PLCB1: variants seen among roughly 807,000 people sequenced by gnomAD.
The protein encoded by PLCB1 is 1-phosphatidylinositol 4,5-bisphosphate phosphodiesterase beta-1.
In PLCB1, 46 loss-of-function variants were observed where a neutral mutation model predicts 161.8. The observed-to-expected ratio is 0.28, with a 90% CI of 0.22 to 0.36. The LOEUF (loss-of-function observed/expected upper bound fraction) is 0.36. PLCB1 is among the 10% of genes least tolerant of loss of function. PLCB1 has a pLI of 1.00. For synonymous variants in PLCB1, 517 were observed against 503.7 expected, an observed-to-expected ratio of 1.03 and a Z score of -0.35; for missense variants, 1,016 against 1,472.5, an observed-to-expected ratio of 0.69 and a Z score of 5.07.
intron 2 of PLCB1, among the ~76,000 whole-genome samples, chr20:8,311,207 T>TA (rs1343566371): frequency 6.6e-6 from 1 of 152,210 alleles, no homozygotes; most frequent in Non-Finnish European, 1.5e-5. Context: ...TACCTGAATG[T>TA]AAAAAACAAT....
At chr20:8,337,043 T>C (rs1184414984) in intron 2 of PLCB1, among the ~76,000 whole-genome samples, 1 of 152,176 alleles carries the variant, frequency 6.6e-6, no homozygotes, top group Non-Finnish European at 1.5e-5. Flanking sequence ...AATATGAAGA[T>C]TATATTTAAA....
chr20:8,666,048 T>C (rs1345440780), intron 9 of PLCB1, among the ~76,000 whole-genome samples: 4 of 152,112 alleles, frequency 2.6e-5, no homozygotes, highest in African/African-American at 9.7e-5. Flanking sequence ...CAGGCTACAA[T>C]TCCCAGGGAC....
intron 3 of PLCB1, among the ~76,000 whole-genome samples, chr20:8,538,511 A>T (rs898901584): frequency 2.6e-5 from 4 of 152,038 alleles, no homozygotes; most frequent in African/African-American, 9.7e-5. Flanking sequence ...ACACCTGGCT[A>T]ATTTTTAAAA....
At chr20:8,855,954 G>T (rs1987052226) in intron 31 of PLCB1, among the ~76,000 whole-genome samples, 1 of 151,956 alleles carries the variant, frequency 6.6e-6, no homozygotes, top group African/African-American at 2.4e-5. Flanking sequence ...TTTGAAAATT[G>T]GATGAACAAC....
In PLCB1 at chr20:8,148,392, T is replaced by C. The variant is rs150533403; in HGVS notation, c.100-1902T>C. 3.9e-5 allele frequency among the ~76,000 whole-genome samples: 6 copies of C among 152,354 alleles called. No individual in the cohort carries two copies. The East Asian group carries it at 7.7e-4, about 20-fold the overall frequency. Reference sequence around the variant, plus strand: ...ACATTTAGAAGTAATTGGGAAATTTTAAAATTCTAGCTGAAGTTCCTTGCA... The same window carrying C: ...ACATTTAGAAGTAATTGGGAAATTTCAAAATTCTAGCTGAAGTTCCTTGCA... On this transcript the variant is annotated intron_variant, in intron 1 of 31. Coordinates refer to ENST00000338037, the MANE Select transcript of PLCB1 (RefSeq NM_015192.4).
At chr20:8,140,804 T>A (rs1035633173) in intron 1 of PLCB1, among the ~76,000 whole-genome samples, 4 of 152,138 alleles carry the variant, frequency 2.6e-5, no homozygotes, top group Non-Finnish European at 2.9e-5. Flanking sequence ...TTTATTTTTT[T>A]ATTTTTTTTT....
chr20:8,404,389 T>C (rs548669845), intron 3 of PLCB1, among the ~76,000 whole-genome samples: 1 of 152,318 alleles, frequency 6.6e-6, no homozygotes, highest in Admixed American at 6.5e-5. Context: ...TTGCCTTGAA[T>C]GTCTAATGAT....
chr20:8,658,958 T>C (rs140346250), intron 9 of PLCB1, among the ~76,000 whole-genome samples: 2 of 152,304 alleles, frequency 1.3e-5, no homozygotes, highest in East Asian at 1.9e-4. Context: ...CTTTATTTTG[T>C]TTCAAATTCA....
Position 8,260,486 on chromosome 20 carries a change from A to G in PLCB1, c.177+110115A>G, listed in dbSNP as rs187009073. ...CCTGTGGAGGACTTTAGGGAGAGTCAGGAATGTTGTCTGAGTCCTCTCTTA... is the reference window on the plus strand; with the variant it reads ...CCTGTGGAGGACTTTAGGGAGAGTCGGGAATGTTGTCTGAGTCCTCTCTTA... On this transcript the variant is annotated intron_variant, in intron 2 of 31. Transcript: ENST00000338037. 9.3e-4 allele frequency among the ~76,000 whole-genome samples: 141 copies of G among 152,228 alleles called. 2 individuals carry two copies. Among genetic ancestry groups the G allele is most frequent in the Admixed American group, 1.6e-3 (24 of 15,290 alleles).
At chr20:8,362,570 G>A (rs1249022494) in intron 2 of PLCB1, among the ~76,000 whole-genome samples, 1 of 152,150 alleles carries the variant, frequency 6.6e-6, no homozygotes, top group Admixed American at 6.6e-5. Context: ...CTTTGGAAGT[G>A]TTTTACTCTT....
At chr20:8,461,998 T>C (rs538681516) in intron 3 of PLCB1, among the ~76,000 whole-genome samples, 1 of 152,204 alleles carries the variant, frequency 6.6e-6, no homozygotes, top group South Asian at 2.1e-4. Flanking sequence ...TTTTCTTGAG[T>C]ATATTTGCTT....
chr20:8,362,603 A>G (rs981062772), intron 2 of PLCB1, among the ~76,000 whole-genome samples: 1 of 152,086 alleles, frequency 6.6e-6, no homozygotes, highest in African/African-American at 2.4e-5. Context: ...AGGAGTTTCT[A>G]AGGTTGCTGA....
intron 2 of PLCB1, among the ~76,000 whole-genome samples, chr20:8,237,374 A>G (rs1980382326): frequency 1.3e-5 from 2 of 152,066 alleles, no homozygotes; most frequent in Non-Finnish European, 2.9e-5. Context: ...AAAATGAACA[A>G]TAAGATCTTA....
At position 8,336,989 on chromosome 20, in the gene PLCB1, A is replaced by G. The variant is rs562880192; in HGVS notation, c.178-34393A>G. 5.0e-4 allele frequency among the ~76,000 whole-genome samples: 76 copies of G among 152,264 alleles called. 1 individual carries two copies. Among genetic ancestry groups the G allele is most frequent in the African/African-American group, 1.8e-3 (75 of 41,568 alleles). ...TTTATTTAGAAAAACATGTATTTAC[A>G]TATTTTAGGATCATTTCTATATGTC... On this transcript the variant is annotated intron_variant, in intron 2 of 31. Transcript: ENST00000338037.
chr20:8,739,321 A>G lies in PLCB1; in HGVS notation c.2269A>G (p.Ile757Val). 1 of 1,614,080 alleles carries G rather than the reference A, an allele frequency of 6.2e-7. No homozygotes were observed. The highest frequency in any genetic ancestry group is 8.5e-7 in the Non-Finnish European group (1 of 1,179,900). Residue 757 changes from isoleucine (I) to valine (V), a missense_variant, in exon 21 of 32, where the codon ATT becomes GTT. Coordinates refer to ENST00000338037, the MANE Select transcript of PLCB1 (RefSeq NM_015192.4). ...AGTTTATGAAGAAGGAGGTAAATTC[A>G]TTGGCCACCGTATCTTGCCAGTGCA... ...IAVYEEGGKFIGHRILPVQAI... is the reference protein window; with the variant it reads ...IAVYEEGGKFVGHRILPVQAI...
intron 31 of PLCB1, chr20:8,802,018 T>C (rs1400061591): frequency 3.4e-6 from 4 of 1,191,998 alleles, no homozygotes; most frequent in Non-Finnish European, 5.0e-6. Flanking sequence ...TCAATTTCAT[T>C]GCCACAAAAA....
chr20:8,349,207 T>C (rs1441689267), intron 2 of PLCB1, among the ~76,000 whole-genome samples: 2 of 152,132 alleles, frequency 1.3e-5, no homozygotes, highest in Non-Finnish European at 2.9e-5. Context: ...GATGGGAGTT[T>C]GGGCAGAGAA....
chr20:8,838,561 C>T (rs1246580414), intron 31 of PLCB1, among the ~76,000 whole-genome samples: 2 of 152,202 alleles, frequency 1.3e-5, no homozygotes, highest in Non-Finnish European at 2.9e-5. Flanking sequence ...TATATTGGTT[C>T]TTGTGACCTG....
At chr20:8,454,924 C>T (rs1481250419) in intron 3 of PLCB1, among the ~76,000 whole-genome samples, 1 of 151,976 alleles carries the variant, frequency 6.6e-6, no homozygotes. Flanking sequence ...GTTCACATGT[C>T]TTGAACGTGG....
Sources: gnomAD v4.1 joint callset for allele counts (sites outside exome capture counted in the v4.1 genomes callset) on GRCh38, gnomAD v4.1.1 for gene constraint, MANE v1.5 for transcripts, NCBI Gene and HGNC (gene_info 2026-07-23, HGNC 2026-07-21) for gene names.